The following PPP3CA variants were observed in gnomAD, a reference collection of about 807,000 sequenced individuals.
The protein encoded by PPP3CA is protein phosphatase 3 catalytic subunit alpha, also known as CAM-PRP catalytic subunit.
In PPP3CA, 14 loss-of-function variants were observed where a neutral mutation model predicts 66.5. The ratio of observed to expected loss-of-function variants is 0.21; its 90% CI spans 0.14 to 0.33. The LOEUF (loss-of-function observed/expected upper bound fraction) is 0.33, where lower values mean the gene tolerates loss of function less well. Among genes scored for constraint, PPP3CA ranks in the 10% least tolerant of loss-of-function variants. PPP3CA has a pLI of 1.00. For missense variants in PPP3CA, 317 were observed against 639.5 expected, an observed-to-expected ratio of 0.50 and a Z score of 5.44; for synonymous variants, 232 against 226.2, an observed-to-expected ratio of 1.03 and a Z score of -0.23.
chr4:101,223,168 T>A (rs192629410), intron 1 of PPP3CA, among the ~76,000 whole-genome samples: 1 of 151,754 alleles, frequency 6.6e-6, no homozygotes, highest in South Asian at 2.1e-4. Flanking sequence ...TGGCTTAAAT[T>A]TGACCTTGGC....
chr4:101,077,402 C>A (rs1176583598), intron 8 of PPP3CA, among the ~76,000 whole-genome samples: 1 of 152,146 alleles, frequency 6.6e-6, no homozygotes, highest in Non-Finnish European at 1.5e-5. Flanking sequence ...ATGGTTAACT[C>A]ACAGATTCTC....
At chr4:101,100,605 T>A (rs552639145) in intron 3 of PPP3CA, among the ~76,000 whole-genome samples, 1 of 152,278 alleles carries the variant, frequency 6.6e-6, no homozygotes, top group East Asian at 1.9e-4. Context: ...AGTATTAACA[T>A]CAGTAATTTG....
chr4:101,086,905 G>A (rs906657957), intron 6 of PPP3CA, among the ~76,000 whole-genome samples: 2 of 152,196 alleles, frequency 1.3e-5, no homozygotes, highest in Non-Finnish European at 2.9e-5. Flanking sequence ...AGCTTCAATA[G>A]GGGCAGTCAA....
chr4:101,214,460 T>C (rs1203380336), intron 1 of PPP3CA, among the ~76,000 whole-genome samples: 1 of 152,072 alleles, frequency 6.6e-6, no homozygotes, highest in Non-Finnish European at 1.5e-5. Flanking sequence ...CAGAAACATA[T>C]AGCAACTCCC....
intron 1 of PPP3CA, among the ~76,000 whole-genome samples, chr4:101,243,551 C>A (rs1726380675): frequency 6.6e-6 from 1 of 152,050 alleles, no homozygotes; most frequent in African/African-American, 2.4e-5. Context: ...ATGGTATGAC[C>A]ACTATTTACA....
chr4:101,081,622 T>C (rs1729443222), intron 7 of PPP3CA, among the ~76,000 whole-genome samples: 1 of 152,204 alleles, frequency 6.6e-6, no homozygotes, highest in African/African-American at 2.4e-5. Context: ...TGTCATTTAT[T>C]TCTGGTAGAC....
intron 1 of PPP3CA, among the ~76,000 whole-genome samples, chr4:101,305,369 CTT>C (rs1394510408): frequency 1.3e-5 from 2 of 152,184 alleles, no homozygotes; most frequent in African/African-American, 4.8e-5. Context: ...TTCCACATAA[CTT>C]TGAAAGTACC....
intron 2 of PPP3CA, among the ~76,000 whole-genome samples, chr4:101,115,631 A>T (rs1483988481): frequency 2.0e-5 from 3 of 151,992 alleles, no homozygotes; most frequent in African/African-American, 7.2e-5. Context: ...GTTTCACTAT[A>T]AGAGCTATAC....
chr4:101,113,779 C>T (rs1721753682), intron 2 of PPP3CA, among the ~76,000 whole-genome samples: 1 of 152,126 alleles, frequency 6.6e-6, no homozygotes, highest in East Asian at 1.9e-4. Flanking sequence ...ATAATATTCA[C>T]TTACTATTGG....
chr4:101,107,414 C>T (rs1730801243), intron 3 of PPP3CA, among the ~76,000 whole-genome samples: 1 of 152,104 alleles, frequency 6.6e-6, no homozygotes, highest in African/African-American at 2.4e-5. Flanking sequence ...CTTTAAATTC[C>T]TCACAGTCCT....
intron 1 of PPP3CA, among the ~76,000 whole-genome samples, chr4:101,301,903 TAAGTA>T (rs1448378864): frequency 4.6e-5 from 7 of 151,000 alleles, no homozygotes; most frequent in Non-Finnish European, 1.0e-4. Context: ...AATATGCAAA[TAAGTA>T]AATATTATTT....
At chr4:101,219,716 T>C (rs2110212557) in intron 1 of PPP3CA, among the ~76,000 whole-genome samples, 1 of 151,954 alleles carries the variant, frequency 6.6e-6, no homozygotes, top group Admixed American at 6.6e-5. Context: ...CACATTACAG[T>C]CTTCAGTACT....
In PPP3CA at chr4:101,061,138, G is replaced by C; in HGVS notation, c.1105C>G (p.Leu369Val). 6.2e-7 allele frequency: 1 copy of C among 1,612,118 alleles called. No homozygotes were observed. The change falls in exon 10 of 14, where the codon CTC becomes GTC. Residue 369 changes from leucine (L) to valine (V), a missense_variant. This residue lies in a region of PPP3CA where 201 missense variants were observed against 501.4 expected (regional missense o/e 0.40). Coordinates refer to ENST00000394854, the MANE Select transcript of PPP3CA (RefSeq NM_000944.5). ...AGTTCATCATCTGAGCAGATGTTGAGGACATTTACCAGCATCTCAGTCACT... is the reference window on the plus strand; with the variant it reads ...AGTTCATCATCTGAGCAGATGTTGACGACATTTACCAGCATCTCAGTCACT... ...EKVTEMLVNV[L>V]NICSDDELGS... is the part of the protein sequence containing the mutation.
At chr4:101,298,460 C>T (rs567557013) in intron 1 of PPP3CA, among the ~76,000 whole-genome samples, 1 of 151,842 alleles carries the variant, frequency 6.6e-6, no homozygotes, top group African/African-American at 2.4e-5. Context: ...GCCTCCCCTG[C>T]CACCTCCTCT....
At chr4:101,250,221 G>T in intron 1 of PPP3CA, 1 of 323,452 alleles carries the variant, frequency 3.1e-6, no homozygotes, top group Admixed American at 3.9e-5. Flanking sequence ...CCTAGGTCAA[G>T]GTCTGGGTCA....
intron 2 of PPP3CA, among the ~76,000 whole-genome samples, chr4:101,111,811 G>T (rs1473853345): frequency 6.6e-6 from 1 of 152,112 alleles, no homozygotes; most frequent in African/African-American, 2.4e-5. Context: ...AAGCTTAGAA[G>T]AGTTTCTGGA....
At chr4:101,091,645 A>G (rs963144520) in intron 6 of PPP3CA, among the ~76,000 whole-genome samples, 1 of 151,994 alleles carries the variant, frequency 6.6e-6, no homozygotes, top group African/African-American at 2.4e-5. Context: ...AAAATGTCCT[A>G]CTACTAAATA....
intron 1 of PPP3CA, among the ~76,000 whole-genome samples, chr4:101,212,677 G>A (rs957038097): frequency 9.2e-5 from 14 of 152,044 alleles, no homozygotes; most frequent in Non-Finnish European, 2.1e-4. Context: ...GTCTAAACAA[G>A]AATTTTATTC....
intron 1 of PPP3CA, among the ~76,000 whole-genome samples, chr4:101,320,293 T>G (rs1004528023): frequency 1.3e-5 from 2 of 152,052 alleles, no homozygotes; most frequent in African/African-American, 2.4e-5. Context: ...CCCTATAAGC[T>G]GCCCAAAAAC....
Sources: allele counts gnomAD v4.1 joint callset (sites outside exome capture counted in the v4.1 genomes callset), GRCh38; gene constraint gnomAD v4.1.1; regional missense constraint gnomAD v4.1.1; transcripts MANE v1.5; gene names NCBI Gene and HGNC (gene_info 2026-07-23, HGNC 2026-07-21).